ADORA2B: variants seen among roughly 807,000 people sequenced by gnomAD.
ADORA2B encodes the protein adenosine A2b receptor, also known as adenosine receptor A2b.
ADORA2B carries 18 observed loss-of-function variants against 20.8 expected under a neutral mutation model. The ratio of observed to expected loss-of-function variants is 0.87; its 90% CI spans 0.60 to 1.29. The LOEUF is 1.29. Ranked by LOEUF, ADORA2B falls within the 50% of genes most tolerant of loss-of-function variation. The probability of loss-of-function intolerance (pLI) is 0.00; values close to 1 mark genes in which losing one functional copy is unlikely to be tolerated. For missense variants in ADORA2B, 441 were observed against 422.7 expected (o/e 1.04, Z -0.38); for synonymous variants, 179 against 178.3 (o/e 1.00, Z -0.03).
the ADORA2B span, among the ~76,000 whole-genome samples, chr17:15,895,434 G>A: frequency 6.6e-6 from 1 of 152,162 alleles, no homozygotes; most frequent in Non-Finnish European, 1.5e-5. Flanking sequence ...AGTCTGAGGT[G>A]CTGTGAAATA....
chr17:15,892,913 C>T, the ADORA2B span, among the ~76,000 whole-genome samples: 5 of 152,142 alleles, frequency 3.3e-5, no homozygotes, highest in East Asian at 1.9e-4. Context: ...TCAAGGCAAG[C>T]GAAAGCATCT....
the ADORA2B span, among the ~76,000 whole-genome samples, chr17:15,910,679 T>C: frequency 7.2e-5 from 11 of 152,192 alleles, no homozygotes; most frequent in Non-Finnish European, 1.0e-4. Context: ...GTGTATTTTA[T>C]GTGTGGCCCA....
At chr17:15,946,342 G>A (rs1969805944) in intron 1 of ADORA2B, among the ~76,000 whole-genome samples, 1 of 152,172 alleles carries the variant, frequency 6.6e-6, no homozygotes, top group African/African-American at 2.4e-5. Context: ...AAATGGTGGC[G>A]AACTTACTTG....
the ADORA2B span, among the ~76,000 whole-genome samples, chr17:15,933,834 T>C: frequency 1.3e-5 from 2 of 152,186 alleles, no homozygotes; most frequent in East Asian, 1.9e-4. Flanking sequence ...ATGCCTCTTA[T>C]TTGTTTTTTA....
the ADORA2B span, among the ~76,000 whole-genome samples, chr17:15,918,833 T>C: frequency 2.0e-5 from 3 of 152,188 alleles, no homozygotes; most frequent in Non-Finnish European, 2.9e-5. Context: ...TCAGGAATTA[T>C]TGGTTGTTTA....
the ADORA2B span, among the ~76,000 whole-genome samples, chr17:15,922,757 A>G: frequency 1.3e-5 from 2 of 152,212 alleles, no homozygotes; most frequent in African/African-American, 4.8e-5. Flanking sequence ...GAACATGCCA[A>G]ATTGCTCCTG....
chr17:15,863,557 T>C, the ADORA2B span, among the ~76,000 whole-genome samples: 9 of 152,266 alleles, frequency 5.9e-5, no homozygotes, highest in African/African-American at 2.2e-4. Context: ...TCTCACTATG[T>C]TTCTCAGGCT....
the ADORA2B span, among the ~76,000 whole-genome samples, chr17:15,857,761 A>G: frequency 6.6e-6 from 1 of 151,952 alleles, no homozygotes; most frequent in Non-Finnish European, 1.5e-5. Flanking sequence ...CTGTACTCCC[A>G]TTGTATCTTG....
chr17:15,892,362 T>A, the ADORA2B span, among the ~76,000 whole-genome samples: 529 of 152,200 alleles, frequency 3.5e-3, no homozygotes, highest in Non-Finnish European at 6.0e-3. Context: ...GAGACAGGGT[T>A]TTTGCCCTGT....
the ADORA2B span, among the ~76,000 whole-genome samples, chr17:15,931,966 A>G: frequency 6.6e-6 from 1 of 152,060 alleles, no homozygotes; most frequent in Admixed American, 6.6e-5. Flanking sequence ...TCCTGACCTC[A>G]GGTGATCCGC....
the ADORA2B span, among the ~76,000 whole-genome samples, chr17:15,906,947 T>C: frequency 6.6e-6 from 1 of 152,220 alleles, no homozygotes; most frequent in African/African-American, 2.4e-5. Flanking sequence ...ATTGGACTTC[T>C]GAGTCCTCTC....
chr17:15,939,309 G>A, the ADORA2B span, among the ~76,000 whole-genome samples: 1 of 152,050 alleles, frequency 6.6e-6, no homozygotes, highest in Non-Finnish European at 1.5e-5. Flanking sequence ...CCAAAGTACT[G>A]GGATCACAGG....
intron 1 of ADORA2B, among the ~76,000 whole-genome samples, chr17:15,968,226 G>A (rs533626525): frequency 6.6e-6 from 1 of 152,288 alleles, no homozygotes; most frequent in African/African-American, 2.4e-5. Flanking sequence ...AACTATGCAG[G>A]TCCACTTGTA....
At chr17:15,923,085 T>G in the ADORA2B span, among the ~76,000 whole-genome samples, 9 of 149,378 alleles carry the variant, frequency 6.0e-5, no homozygotes, top group East Asian at 1.6e-3. Context: ...TGCAGTGGTG[T>G]GATCTCGGCT....
At chr17:15,914,201 C>CA in the ADORA2B span, among the ~76,000 whole-genome samples, 1 of 151,584 alleles carries the variant, frequency 6.6e-6, no homozygotes, top group African/African-American at 2.4e-5. Context: ...AAGGTTAATT[C>CA]AAAAAAAAAT....
the ADORA2B span, among the ~76,000 whole-genome samples, chr17:15,919,895 G>C: frequency 2.3e-4 from 35 of 152,274 alleles, no homozygotes; most frequent in African/African-American, 8.2e-4. Flanking sequence ...TGAAGAAATT[G>C]GGTGAATGTG....
intron 1 of ADORA2B, among the ~76,000 whole-genome samples, chr17:15,952,823 T>G (rs1969921782): frequency 6.6e-6 from 1 of 152,198 alleles, no homozygotes; most frequent in Admixed American, 6.5e-5. Context: ...GCCTCAGATT[T>G]ATTAGTGACT....
the ADORA2B span, among the ~76,000 whole-genome samples, chr17:15,870,560 C>T: frequency 6.9e-6 from 1 of 144,596 alleles, no homozygotes; most frequent in Admixed American, 6.9e-5. Flanking sequence ...TTGCAGTGAG[C>T]CAAGATCGCG....
the ADORA2B span, among the ~76,000 whole-genome samples, chr17:15,862,206 CTTTTCTT>C: frequency 8.2e-6 from 1 of 121,304 alleles, no homozygotes; most frequent in African/African-American, 3.2e-5. Context: ...CTTTTCTTTT[CTTTTCTT>C]TTTTTTTTTT....
Sources: gnomAD v4.1 joint callset for allele counts (sites outside exome capture counted in the v4.1 genomes callset) on GRCh38, gnomAD v4.1.1 for gene constraint, MANE v1.5 for transcripts, NCBI Gene and HGNC (gene_info 2026-07-23, HGNC 2026-07-21) for gene names.